The following CAMKMT variants were observed in gnomAD, a reference collection of about 807,000 sequenced individuals.
CAMKMT encodes the protein CaM KMT.
CAMKMT carries 53 observed loss-of-function variants against 48.0 expected under a neutral mutation model. The observed-to-expected ratio is 1.10, with a 90% CI of 0.89 to 1.39. The LOEUF is 1.39. CAMKMT is among the 40% of genes most tolerant of loss of function. CAMKMT has a pLI of 0.00. For synonymous variants in CAMKMT, 165 were observed against 152.3 expected, an observed-to-expected ratio of 1.08 and a Z score of -0.61; for missense variants, 428 against 402.7, an observed-to-expected ratio of 1.06 and a Z score of -0.54.
intron 8 of CAMKMT, among the ~76,000 whole-genome samples, chr2:44,745,285 C>T (rs1679871822): frequency 6.6e-6 from 1 of 152,148 alleles, no homozygotes; most frequent in East Asian, 1.9e-4. Context: ...TCAAAACAGC[C>T]TGGCTTTGTC....
At chr2:44,412,946 T>A (rs1275468756) in intron 3 of CAMKMT, among the ~76,000 whole-genome samples, 2 of 151,484 alleles carry the variant, frequency 1.3e-5, no homozygotes, top group South Asian at 2.1e-4. Flanking sequence ...TGTGGTGGCG[T>A]GCGCCTGTAA....
chr2:44,601,378 C>T (rs534505123), intron 3 of CAMKMT, among the ~76,000 whole-genome samples: 2 of 152,056 alleles, frequency 1.3e-5, no homozygotes, highest in Non-Finnish European at 2.9e-5. Flanking sequence ...ATTGCTTGAA[C>T]CCTGGAGGCG....
At chr2:44,542,062 G>A (rs1180905361) in intron 3 of CAMKMT, among the ~76,000 whole-genome samples, 1 of 151,088 alleles carries the variant, frequency 6.6e-6, no homozygotes, top group Non-Finnish European at 1.5e-5. Context: ...CCGGGAGGCG[G>A]AGGTTGCGGT....
At chr2:44,366,829 C>T (rs1678645474) in intron 1 of CAMKMT, among the ~76,000 whole-genome samples, 1 of 151,988 alleles carries the variant, frequency 6.6e-6, no homozygotes, top group South Asian at 2.1e-4. Context: ...TCAAACGATT[C>T]TTGTGCCTTA....
intron 3 of CAMKMT, among the ~76,000 whole-genome samples, chr2:44,446,934 C>G (rs560818674): frequency 2.2e-4 from 33 of 152,252 alleles, no homozygotes; most frequent in Middle Eastern, 6.8e-3. Context: ...TTCCTTATTC[C>G]TTTTCCACGT....
At chr2:44,544,430 G>A (rs1376512078) in intron 3 of CAMKMT, among the ~76,000 whole-genome samples, 2 of 152,154 alleles carry the variant, frequency 1.3e-5, no homozygotes, top group Non-Finnish European at 2.9e-5. Flanking sequence ...AATTAAGCCA[G>A]GCCATTGTCT....
chr2:44,526,282 A>G (rs1317890630), intron 3 of CAMKMT, among the ~76,000 whole-genome samples: 1 of 152,224 alleles, frequency 6.6e-6, no homozygotes, highest in Admixed American at 6.5e-5. Context: ...TATAATGCTA[A>G]GAGCATTCAC....
chr2:44,709,506 T>C (rs1312507464), intron 6 of CAMKMT, among the ~76,000 whole-genome samples: 2 of 152,194 alleles, frequency 1.3e-5, no homozygotes, highest in Non-Finnish European at 2.9e-5. Flanking sequence ...AGCCTTAAAA[T>C]TGGCAATGTG....
rs146792016 is a variant in CAMKMT, at chr2:44,603,834, A to G, written c.377-100449A>G. ...TGGCTGGATTCATTTTAATGAATAT[A>G]TTGAGTATCTCTTGGCTAGGTATTG... On this transcript the variant is annotated intron_variant, in intron 3 of 10. Transcript: ENST00000378494. Among the ~76,000 whole-genome samples, 215 of 152,360 alleles carry G rather than the reference A, an allele frequency of 1.4e-3. 2 individuals carry two copies. Among genetic ancestry groups the G allele is most frequent in the African/African-American group, 4.7e-3 (197 of 41,596 alleles).
intron 8 of CAMKMT, among the ~76,000 whole-genome samples, chr2:44,745,454 A>G (rs566692555): frequency 6.6e-6 from 1 of 152,326 alleles, no homozygotes; most frequent in African/African-American, 2.4e-5. Context: ...AGCCGACAAC[A>G]GGGTCACGTA....
intron 9 of CAMKMT, among the ~76,000 whole-genome samples, chr2:44,760,034 A>G (rs1680553050): frequency 6.6e-6 from 1 of 152,152 alleles, no homozygotes; most frequent in African/African-American, 2.4e-5. Context: ...CGCCATTCCT[A>G]TGCGCTGAGG....
At chr2:44,593,575 T>G (rs1359755714) in intron 3 of CAMKMT, among the ~76,000 whole-genome samples, 1 of 152,126 alleles carries the variant, frequency 6.6e-6, no homozygotes, top group Non-Finnish European at 1.5e-5. Flanking sequence ...CTCACTCACC[T>G]CATTTGTATT....
At chr2:44,573,066 G>T (rs766484189) in intron 3 of CAMKMT, among the ~76,000 whole-genome samples, 1 of 151,440 alleles carries the variant, frequency 6.6e-6, no homozygotes, top group Non-Finnish European at 1.5e-5. Context: ...CTTTTCATGT[G>T]CTGCTATTAG....
At chr2:44,724,423 C>T (rs1171975079) in intron 7 of CAMKMT, among the ~76,000 whole-genome samples, 1 of 152,212 alleles carries the variant, frequency 6.6e-6, no homozygotes, top group Non-Finnish European at 1.5e-5. Context: ...ATCACATAAA[C>T]CTTGCTGAAG....
chr2:44,730,127 C>A (rs1234184254), intron 7 of CAMKMT, among the ~76,000 whole-genome samples: 1 of 152,190 alleles, frequency 6.6e-6, no homozygotes, highest in Non-Finnish European at 1.5e-5. Context: ...CTCAGGCTTT[C>A]TGTAAGGTCA....
chr2:44,428,443 A>G (rs1436085783), intron 3 of CAMKMT, among the ~76,000 whole-genome samples: 1 of 152,156 alleles, frequency 6.6e-6, no homozygotes, highest in Non-Finnish European at 1.5e-5. Context: ...TTATGGGCAC[A>G]TGATAGGAAG....
chr2:44,528,010 G>A (rs1666256251), intron 3 of CAMKMT, among the ~76,000 whole-genome samples: 2 of 151,960 alleles, frequency 1.3e-5, no homozygotes, highest in African/African-American at 2.4e-5. Flanking sequence ...TCACCTATTC[G>A]TTCCTTGTAG....
chr2:44,700,710 A>G (rs1325292262), intron 3 of CAMKMT, among the ~76,000 whole-genome samples: 1 of 152,184 alleles, frequency 6.6e-6, no homozygotes, highest in Non-Finnish European at 1.5e-5. Flanking sequence ...TTGATCACAG[A>G]TCACCATATC....
chr2:44,703,518 A>G (rs1157762624), intron 3 of CAMKMT, among the ~76,000 whole-genome samples: 2 of 152,134 alleles, frequency 1.3e-5, no homozygotes, highest in African/African-American at 2.4e-5. Flanking sequence ...AGTAGCTCAC[A>G]CTTGTAATCC....
Sources: allele counts gnomAD v4.1 joint callset (sites outside exome capture counted in the v4.1 genomes callset), GRCh38; gene constraint gnomAD v4.1.1; transcripts MANE v1.5; gene names NCBI Gene and HGNC (gene_info 2026-07-23, HGNC 2026-07-21).